TGM3: variants seen among roughly 807,000 people sequenced by gnomAD.
TGM3 encodes transglutaminase 3, also known as protein-glutamine gamma-glutamyltransferase E.
In TGM3, 52 loss-of-function variants were observed where a neutral mutation model predicts 73.8. The observed-to-expected ratio is 0.70, with a 90% CI of 0.56 to 0.89. The LOEUF is 0.89. Ranked by LOEUF, TGM3 falls within the 40% of genes least tolerant of loss-of-function variation. The pLI is 0.00. For synonymous variants in TGM3, 372 were observed against 354.9 expected (o/e 1.05, Z -0.54); for missense variants, 928 against 909.9 (o/e 1.02, Z -0.26).
chr20:2,340,488 C>G lies in TGM3; in HGVS notation c.1989C>G (p.Pro663=), dbSNP rs375315316. The G allele has an allele frequency of 7.3e-5, 118 of 1,614,078 alleles. No homozygotes were observed. The highest frequency in any genetic ancestry group is 9.8e-5 in the Non-Finnish European group (116 of 1,180,034). Residue 663 remains proline (P), a synonymous_variant, in exon 13 of 13, where the codon CCC becomes CCG. Coordinates refer to ENST00000381458, the MANE Select transcript of TGM3 (RefSeq NM_003245.4). ...CCCGGGTCCGTTTTGATATCCTGCC[C>G]TCCCGGAGTGGCACCAAGCAACTGC... ...EGSRVRFDIL[P]SRSGTKQLLA...
At position 2,317,465 on chromosome 20, in the gene TGM3, C is replaced by T. The variant is rs778285811; in HGVS notation, c.963C>T (p.Asp321=). ...ACGACCCCATGGGAAACCCCCTGGA[C>T]AAGGGTAGTGATAGCGTATGGTAAG... The part of the protein sequence containing the change: ...VYYDPMGNPL[D]KGSDSVWNFH... Residue 321 remains aspartate (D), a synonymous_variant, in exon 7 of 13, where the codon GAC becomes GAT. Transcript: ENST00000381458. 1.2e-6 allele frequency: 2 copies of T among 1,614,246 alleles called. No homozygotes were observed. Among genetic ancestry groups the T allele is most frequent in the Admixed American group, 3.3e-5 (2 of 60,024 alleles).
chr20:2,309,982 T>G, intron 2 of TGM3, 152 bp downstream of exon 2: 1 of 1,361,766 alleles, frequency 7.3e-7, no homozygotes, highest in Non-Finnish European at 1.0e-6. Flanking sequence ...CAAGTTGCTG[T>G]CCATCTCTGA....
chr20:2,307,557 A>T (rs1342076418), intron 1 of TGM3, among the ~76,000 whole-genome samples: 1 of 152,140 alleles, frequency 6.6e-6, no homozygotes, highest in Non-Finnish European at 1.5e-5. Context: ...CTACAACTGA[A>T]AGTGACTTTT....
chr20:2,332,278 ACT>A lies in TGM3; in HGVS notation c.1613_1614del (p.Ser538CysfsTer8), dbSNP rs770161733. The A allele has an allele frequency of 1.2e-6, 2 of 1,610,150 alleles. No homozygotes were observed. The highest frequency in any genetic ancestry group is 1.7e-6 in the Non-Finnish European group (2 of 1,177,692). On this transcript the variant is annotated frameshift_variant, in exon 10 of 13. Transcript: ENST00000381458. LOFTEE classifies it high-confidence loss of function. This position sits in a 1 kb window ranked among gnomAD's most constrained non-coding sequence, Gnocchi z 4.4. Reference sequence around the variant, plus strand: ...ACGCTTGTACATGAAGTGTGGAAGGACTCTGCCACAATGTCCCTGGACCCTGA... The same window carrying A: ...ACGCTTGTACATGAAGTGTGGAAGGACTGCCACAATGTCCCTGGACCCTGA...
At chr20:2,319,374 C>T (rs974169323) in intron 7 of TGM3, among the ~76,000 whole-genome samples, 3 of 152,088 alleles carry the variant, frequency 2.0e-5, no homozygotes, top group Admixed American at 6.5e-5. Flanking sequence ...GTGGGGAGGC[C>T]ACTAGTAGAG....
chr20:2,310,564 C>A (rs1010079602), intron 3 of TGM3, 147 bp downstream of exon 3: 13 of 1,323,040 alleles, frequency 9.8e-6, no homozygotes, highest in Non-Finnish European at 1.2e-5. Flanking sequence ...ATGAGGAGCT[C>A]TGACACTTAA....
intron 1 of TGM3, among the ~76,000 whole-genome samples, chr20:2,302,517 G>C (rs1386711281): frequency 6.6e-6 from 1 of 152,104 alleles, no homozygotes; most frequent in African/African-American, 2.4e-5. Context: ...GGGCAGGCCA[G>C]GTGGTGGCAC....
chr20:2,306,979 G>T (rs1188733541), intron 1 of TGM3, among the ~76,000 whole-genome samples: 1 of 152,064 alleles, frequency 6.6e-6, no homozygotes, highest in Non-Finnish European at 1.5e-5. Context: ...TGTCTCTGTT[G>T]GTTATTCAGG....
chr20:2,311,138 G>C lies in TGM3; in HGVS notation c.540+9G>C. On this transcript the variant is annotated intron_variant, in intron 4 of 12. Transcript: ENST00000381458. ...GCTGGAACTTTGGACAGGTAAAAGG[G>C]TCATAAGGAAGCTAAGGGTAATGTC... is the stretch of plus-strand genomic sequence containing the variant. The C allele has an allele frequency of 6.2e-7, 1 of 1,611,526 alleles. No homozygotes were observed. The highest frequency in any genetic ancestry group is 8.5e-7 in the Non-Finnish European group (1 of 1,177,682).
intron 5 of TGM3, 54 bp downstream of exon 5, chr20:2,313,080 C>T (rs1022115890): frequency 1.3e-5 from 21 of 1,609,340 alleles, no homozygotes; most frequent in Non-Finnish European, 1.7e-5. Context: ...TGAACACCAC[C>T]TATGAGCTAG....
intron 5 of TGM3, among the ~76,000 whole-genome samples, chr20:2,315,900 A>G (rs1034554782): frequency 6.6e-6 from 1 of 152,198 alleles, no homozygotes; most frequent in Non-Finnish European, 1.5e-5. Flanking sequence ...AAAAGTTCAG[A>G]CCTACATAAA....
Position 2,340,007 on chromosome 20 carries a change from G to A in TGM3, c.1934+20G>A, listed in dbSNP as rs753349908. 133 of 1,579,930 alleles carry A rather than the reference G, an allele frequency of 8.4e-5. No individual in the cohort carries two copies. Among genetic ancestry groups the A allele is most frequent in the Non-Finnish European group, 1.1e-4 (131 of 1,162,508 alleles). On this transcript the variant is annotated intron_variant, in intron 12 of 12. Transcript: ENST00000381458. ...GATCGAGTGAGTCCTGGGCCTAAGT[G>A]GCCGGTGCAGGAGGGCGGGAGGGGG...
chr20:2,322,170 A>G (rs1157300787), intron 7 of TGM3, among the ~76,000 whole-genome samples: 5 of 152,180 alleles, frequency 3.3e-5, no homozygotes, highest in Non-Finnish European at 1.5e-5. Context: ...GATCATTTTT[A>G]TGATGCCCTT....
chr20:2,307,501 C>T (rs566158963), intron 1 of TGM3, among the ~76,000 whole-genome samples: 15 of 152,298 alleles, frequency 9.8e-5, no homozygotes, highest in African/African-American at 3.6e-4. Flanking sequence ...GCAAAATTCT[C>T]TCTCCTTTCA....
intron 1 of TGM3, among the ~76,000 whole-genome samples, chr20:2,301,420 T>G (rs1247168900): frequency 6.7e-6 from 1 of 148,394 alleles, no homozygotes; most frequent in Non-Finnish European, 1.5e-5. Flanking sequence ...GGCCTCAGCT[T>G]TCTGACCTGT....
At chr20:2,304,547 G>T (rs942835967) in intron 1 of TGM3, among the ~76,000 whole-genome samples, 7 of 152,152 alleles carry the variant, frequency 4.6e-5, no homozygotes, top group African/African-American at 1.4e-4. Flanking sequence ...GCACCTTCTG[G>T]ACTCAAAATC....
chr20:2,302,695 T>C (rs2084155176), intron 1 of TGM3, among the ~76,000 whole-genome samples: 1 of 90,448 alleles, frequency 1.1e-5, no homozygotes, highest in South Asian at 3.9e-4. Flanking sequence ...TTGCCAACTG[T>C]TTATATAAAG....
In TGM3 at chr20:2,334,945, C is replaced by T. The variant is rs927127466; in HGVS notation, c.1643-171C>T. Among the ~76,000 whole-genome samples the T allele has an allele frequency of 6.6e-6, 1 of 152,142 alleles. No individual in the cohort carries two copies. The highest frequency in any genetic ancestry group is 2.4e-5 in the African/African-American group (1 of 41,432). On this transcript the variant is annotated intron_variant, in intron 10 of 12. Transcript: ENST00000381458. The surrounding 1 kb of genome is among the most constrained non-coding windows in gnomAD (Gnocchi z 4.0). Reference sequence around the variant, plus strand: ...CTTTGCCCCCTGCTCTGGAGCCCACCCTGACCGGGGGACGCTTCCCACAGG... The same window carrying T: ...CTTTGCCCCCTGCTCTGGAGCCCACTCTGACCGGGGGACGCTTCCCACAGG...
chr20:2,320,116 G>A (rs1472890070), intron 7 of TGM3, among the ~76,000 whole-genome samples: 4 of 152,162 alleles, frequency 2.6e-5, no homozygotes, highest in African/African-American at 9.7e-5. Context: ...AAATTACTAA[G>A]CTATTCTTAT....
Sources: gnomAD v4.1 joint callset for allele counts (sites outside exome capture counted in the v4.1 genomes callset) on GRCh38, gnomAD v4.1.1 for gene constraint, Gnocchi (gnomAD v3.1) non-coding constraint, MANE v1.5 for transcripts, NCBI Gene and HGNC (gene_info 2026-07-23, HGNC 2026-07-21) for gene names.